C13orf42: variants seen among roughly 807,000 people sequenced by gnomAD.
C13orf42 encodes chromosome 13 open reading frame 42, also known as uncharacterized protein C13orf42.
intron 1 of C13orf42, among the ~76,000 whole-genome samples, chr13:51,150,839 G>T (rs1953772991): frequency 6.6e-6 from 1 of 152,224 alleles, no homozygotes; most frequent in African/African-American, 2.4e-5. Flanking sequence ...TGCAGATCTT[G>T]CCTGTGTATG....
chr13:51,124,887 C>T (rs190468035), intron 1 of C13orf42, among the ~76,000 whole-genome samples: 2 of 152,222 alleles, frequency 1.3e-5, no homozygotes, highest in Admixed American at 1.3e-4. Flanking sequence ...CCTCGTTGTC[C>T]CCATAACACA....
At position 51,102,107 on chromosome 13, in the gene C13orf42, G is replaced by A. The variant is rs537018607; in HGVS notation, c.414+8689C>T. ...CAAGCATAATAGGAAATTTTTTGCA[G>A]TTCATATTGAATTTTTACTGCCTTT... On this transcript the variant is annotated intron_variant, in intron 1 of 3. Coordinates refer to ENST00000563710, the MANE Select transcript of C13orf42 (RefSeq NM_001351589.3). 5.3e-5 allele frequency among the ~76,000 whole-genome samples: 8 copies of A among 152,292 alleles called. No individual in the cohort carries two copies. In the South Asian group the frequency reaches 1.7e-3, roughly 32 times the overall value.
chr13:51,149,658 A>ACG (rs1953764912), intron 1 of C13orf42, among the ~76,000 whole-genome samples: 1 of 152,216 alleles, frequency 6.6e-6, no homozygotes, highest in Non-Finnish European at 1.5e-5. Flanking sequence ...CACAAGGTAG[A>ACG]CGCATAGTGA....
At chr13:51,088,962 T>C (rs1156837572) in intron 1 of C13orf42, among the ~76,000 whole-genome samples, 2 of 152,206 alleles carry the variant, frequency 1.3e-5, no homozygotes, top group Admixed American at 1.3e-4. Context: ...GGAGAACTCA[T>C]GGTCTCTAGA....
At chr13:51,105,090 A>G (rs1190149986) in intron 1 of C13orf42, among the ~76,000 whole-genome samples, 3 of 151,414 alleles carry the variant, frequency 2.0e-5, no homozygotes, top group African/African-American at 4.9e-5. Context: ...GGGTGAACCA[A>G]TTCTTCGGAG....
intron 1 of C13orf42, among the ~76,000 whole-genome samples, chr13:51,098,878 G>A (rs768617749): frequency 4.0e-5 from 6 of 151,754 alleles, no homozygotes; most frequent in Non-Finnish European, 7.4e-5. Flanking sequence ...CTCCACTTTC[G>A]ATTTCTGTGA....
Position 51,083,857 on chromosome 13 carries a change from C to T in C13orf42, c.*294G>A, listed in dbSNP as rs1446910784. 1 of 243,038 alleles carries T rather than the reference C, an allele frequency of 4.1e-6. No individual in the cohort carries two copies. Among genetic ancestry groups the T allele is most frequent in the Non-Finnish European group, 7.8e-6 (1 of 127,808 alleles). 15.1% of individuals were successfully genotyped at this position (243,038 alleles called of 1,614,324 possible). Reference sequence around the variant, plus strand: ...CCAGGTGAGGTCAGGGGAGTGAGCCCAGACACTCCACTCAAGACCTTCCAT... The same window carrying T: ...CCAGGTGAGGTCAGGGGAGTGAGCCTAGACACTCCACTCAAGACCTTCCAT... On this transcript the variant is annotated 3_prime_UTR_variant, in exon 4 of 4. Coordinates refer to ENST00000563710, the MANE Select transcript of C13orf42 (RefSeq NM_001351589.3).
intron 1 of C13orf42, among the ~76,000 whole-genome samples, chr13:51,102,503 A>C (rs1165947157): frequency 6.6e-6 from 1 of 152,230 alleles, no homozygotes; most frequent in African/African-American, 2.4e-5. Flanking sequence ...ACTAAAAATC[A>C]ATCACTTTTG....
intron 1 of C13orf42, among the ~76,000 whole-genome samples, chr13:51,155,449 C>T (rs1953817267): frequency 6.6e-6 from 1 of 152,158 alleles, no homozygotes; most frequent in Non-Finnish European, 1.5e-5. Flanking sequence ...TTGAATTACT[C>T]AGTCCAGGTG....
chr13:51,138,631 G>A (rs1176391564), intron 1 of C13orf42, among the ~76,000 whole-genome samples: 1 of 152,192 alleles, frequency 6.6e-6, no homozygotes, highest in Non-Finnish European at 1.5e-5. Context: ...CCCGTATACT[G>A]TTGATGGAAA....
chr13:51,134,251 A>G (rs1334730905), intron 1 of C13orf42, among the ~76,000 whole-genome samples: 1 of 151,744 alleles, frequency 6.6e-6, no homozygotes, highest in Non-Finnish European at 1.5e-5. Context: ...TCAAAAACTC[A>G]CTCACTCAGG....
rs539724587 is a variant in C13orf42 at position 51,126,998 on chromosome 13, T to C, written n.137-13776A>G. On this transcript the variant is annotated intron_variant and non_coding_transcript_variant, in intron 1 of 4. Transcript: ENST00000433280. ...TGTGTAACATGATGAAACCCTTCTC[T>C]ACAGAAAAGAAATACAAAAAGAGCT... 6.6e-5 allele frequency among the ~76,000 whole-genome samples: 10 copies of C among 152,068 alleles called. No homozygotes were observed. The East Asian group carries it at 1.6e-3, about 24-fold the overall frequency.
At chr13:51,145,073 C>G (rs1953724711) in intron 1 of C13orf42, among the ~76,000 whole-genome samples, 1 of 152,160 alleles carries the variant, frequency 6.6e-6, no homozygotes, top group Non-Finnish European at 1.5e-5. Flanking sequence ...TTATTTTCTA[C>G]AGTTTGGACC....
intron 1 of C13orf42, among the ~76,000 whole-genome samples, chr13:51,155,935 G>A (rs181765513): frequency 4.6e-5 from 7 of 152,270 alleles, no homozygotes; most frequent in Admixed American, 2.0e-4. Context: ...AAACCTGATG[G>A]CACAAGCTGG....
intron 1 of C13orf42, among the ~76,000 whole-genome samples, chr13:51,133,723 T>C (rs770667536): frequency 2.0e-4 from 31 of 152,186 alleles, no homozygotes; most frequent in Non-Finnish European, 4.1e-4. Context: ...TGAGGTCTGA[T>C]GCACATGGGC....
chr13:51,151,097 C>T (rs538661058), intron 1 of C13orf42, among the ~76,000 whole-genome samples: 2 of 152,264 alleles, frequency 1.3e-5, no homozygotes, highest in East Asian at 1.9e-4. Context: ...CCCCTAAAGA[C>T]GTCCACACAT....
At chr13:51,159,679 T>A (rs972555721) in intron 1 of C13orf42, among the ~76,000 whole-genome samples, 1 of 152,214 alleles carries the variant, frequency 6.6e-6, no homozygotes, top group African/African-American at 2.4e-5. Context: ...CCGAAGGACA[T>A]GGAGTCTCAC....
intron 1 of C13orf42, among the ~76,000 whole-genome samples, chr13:51,140,249 T>C (rs1220271217): frequency 1.3e-5 from 2 of 152,228 alleles, no homozygotes; most frequent in Non-Finnish European, 2.9e-5. Context: ...TTGTCCCGCC[T>C]TTCCAGACCA....
chr13:51,083,047 TTTTC>T lies in C13orf42; in HGVS notation c.*1100_*1103del, dbSNP rs1450881423. 1 of 152,206 alleles carries T rather than the reference TTTTC, an allele frequency of 6.6e-6. No homozygotes were observed. Among genetic ancestry groups the T allele is most frequent in the Non-Finnish European group, 1.5e-5 (1 of 68,066 alleles). The allele number at this position is 152,206 out of a possible 1,614,324, so 9.4% of individuals were successfully genotyped here. On this transcript the variant is annotated 3_prime_UTR_variant, in exon 4 of 4. Coordinates refer to ENST00000563710, the MANE Select transcript of C13orf42 (RefSeq NM_001351589.3). ...CTTGGCTTAATTCAAATGATTGTGG[TTTTC>T]TTTGTTTTGTTTTGTTTTCTGTTTT...
Sources: allele counts gnomAD v4.1 joint callset (sites outside exome capture counted in the v4.1 genomes callset), GRCh38; gene constraint gnomAD v4.1.1; transcripts MANE v1.5; gene names NCBI Gene and HGNC (gene_info 2026-07-23, HGNC 2026-07-21).